SLC25A21: variants seen among roughly 807,000 people sequenced by gnomAD.
The protein encoded by SLC25A21 is solute carrier family 25 member 21.
Under a neutral mutation model 43.8 loss-of-function variants are expected in SLC25A21, and 47 were observed. The observed-to-expected ratio is 1.07, with a 90% CI of 0.85 to 1.37. SLC25A21 has a LOEUF of 1.37. SLC25A21 is among the 40% of genes most tolerant of loss of function. SLC25A21 has a pLI of 0.00. For synonymous variants in SLC25A21, 131 were observed against 121.3 expected (o/e 1.08, Z -0.52); for missense variants, 352 against 350.2 (o/e 1.00, Z -0.04).
At chr14:36,806,422 T>C (rs1392647715) in intron 3 of SLC25A21, among the ~76,000 whole-genome samples, 1 of 152,110 alleles carries the variant, frequency 6.6e-6, no homozygotes, top group Non-Finnish European at 1.5e-5. Flanking sequence ...AGGTGATGGA[T>C]CTGTTAATTA....
intron 1 of SLC25A21, among the ~76,000 whole-genome samples, chr14:36,941,992 C>G (rs1032954221): frequency 1.2e-4 from 19 of 152,010 alleles, no homozygotes; most frequent in African/African-American, 4.3e-4. Context: ...ATGTAAAAAG[C>G]TAAACCTAAA....
intron 1 of SLC25A21, among the ~76,000 whole-genome samples, chr14:37,064,414 GTCTCTCTC>G (rs369330133): frequency 6.7e-6 from 1 of 149,862 alleles, no homozygotes; most frequent in East Asian, 2.0e-4. Context: ...AAATTCTCTT[GTCTCTCTC>G]TCTCTCTCTC....
At chr14:36,854,416 G>A (rs1341055370) in intron 2 of SLC25A21, among the ~76,000 whole-genome samples, 2 of 152,196 alleles carry the variant, frequency 1.3e-5, no homozygotes, top group African/African-American at 2.4e-5. Context: ...CACAAGTAGT[G>A]TAATAGATGT....
chr14:36,726,442 A>T (rs74793851), intron 5 of SLC25A21, among the ~76,000 whole-genome samples: 42 of 104,136 alleles, frequency 4.0e-4, no homozygotes, highest in Non-Finnish European at 7.9e-4. Context: ...CAAATAAAAT[A>T]AAAAAAAAAA....
intron 3 of SLC25A21, among the ~76,000 whole-genome samples, chr14:36,799,844 GTTA>G (rs1485475544): frequency 6.6e-6 from 1 of 152,054 alleles, no homozygotes. Context: ...CACCTGGTAA[GTTA>G]TTGTTTTAGT....
chr14:36,713,106 C>T (rs1883962108), intron 6 of SLC25A21, among the ~76,000 whole-genome samples: 1 of 152,142 alleles, frequency 6.6e-6, no homozygotes, highest in Admixed American at 6.5e-5. Flanking sequence ...CAACCTAAAC[C>T]TTTTCTCCAT....
intron 7 of SLC25A21, among the ~76,000 whole-genome samples, chr14:36,692,840 G>C (rs903543038): frequency 2.6e-5 from 4 of 152,332 alleles, no homozygotes; most frequent in African/African-American, 9.6e-5. Context: ...CCCACCTCAT[G>C]TCAGCCCAAA....
In SLC25A21 at chr14:37,172,376, G is replaced by A. The variant is rs373720557; in HGVS notation, c.-26C>T. On this transcript the variant is annotated 5_prime_UTR_variant, in exon 1 of 10. Transcript: ENST00000331299. The stretch of plus-strand genomic sequence containing the variant: ...CTTCGCCAGGCGGGAGGACAAGGGA[G>A]TGGGCTGAGATGCGTCAACGAGCTC... 2.5e-6 allele frequency: 4 copies of A among 1,583,168 alleles called. No homozygotes were observed. Among genetic ancestry groups the A allele is most frequent in the South Asian group, 2.3e-5 (2 of 86,612 alleles).
chr14:36,881,157 T>C (rs931944253), intron 1 of SLC25A21, among the ~76,000 whole-genome samples: 2 of 152,228 alleles, frequency 1.3e-5, no homozygotes, highest in Admixed American at 6.5e-5. Flanking sequence ...TTATCCCAAA[T>C]TGTCTACCTT....
intron 1 of SLC25A21, among the ~76,000 whole-genome samples, chr14:37,167,471 T>C (rs1353467868): frequency 6.6e-6 from 1 of 152,160 alleles, no homozygotes; most frequent in Non-Finnish European, 1.5e-5. Flanking sequence ...TTCCTGGGTA[T>C]AGGCCAAACT....
intron 1 of SLC25A21, among the ~76,000 whole-genome samples, chr14:37,118,875 G>C (rs954821988): frequency 6.6e-6 from 1 of 152,060 alleles, no homozygotes; most frequent in Non-Finnish European, 1.5e-5. Flanking sequence ...GGTAAAATAA[G>C]TCTGACACCT....
At chr14:36,749,406 C>A (rs1218685609) in intron 3 of SLC25A21, among the ~76,000 whole-genome samples, 1 of 152,106 alleles carries the variant, frequency 6.6e-6, no homozygotes, top group African/African-American at 2.4e-5. Flanking sequence ...AAGCCCTGAT[C>A]ATATCTTACT....
chr14:37,146,814 G>A (rs1963674131), intron 1 of SLC25A21, among the ~76,000 whole-genome samples: 1 of 152,106 alleles, frequency 6.6e-6, no homozygotes, highest in African/African-American at 2.4e-5. Context: ...AGTGTGACAT[G>A]TCTCATGTTT....
chr14:36,865,772 A>T (rs1320771376), intron 2 of SLC25A21, among the ~76,000 whole-genome samples: 1 of 152,138 alleles, frequency 6.6e-6, no homozygotes, highest in Admixed American at 6.5e-5. Flanking sequence ...TCTGATTCAG[A>T]AGTCTGGGGT....
rs541276792 is a variant in SLC25A21, at chr14:36,692,583, G to A, written c.604-7658C>T. Reference sequence around the variant, plus strand: ...TGCTAGCTTGATAAACAGAAACATCGCTCATCTCAGAGGTCTTTGTGATTA... The same window carrying A: ...TGCTAGCTTGATAAACAGAAACATCACTCATCTCAGAGGTCTTTGTGATTA... On this transcript the variant is annotated intron_variant, in intron 7 of 9. Coordinates refer to ENST00000331299, the MANE Select transcript of SLC25A21 (RefSeq NM_030631.4). 5.2e-4 allele frequency among the ~76,000 whole-genome samples: 79 copies of A among 152,216 alleles called. 1 individual carries two copies. The highest frequency in any genetic ancestry group is 1.6e-3 in the African/African-American group (68 of 41,532).
intron 2 of SLC25A21, among the ~76,000 whole-genome samples, chr14:36,846,735 AGT>A (rs1889556824): frequency 6.6e-6 from 1 of 152,168 alleles, no homozygotes; most frequent in South Asian, 2.1e-4. Context: ...ATTCAACAAA[AGT>A]GTGTTGAATA....
chr14:37,069,389 G>A (rs6571778), intron 1 of SLC25A21, among the ~76,000 whole-genome samples: 73,423 of 152,024 alleles, frequency 0.48, 20,830 homozygotes, highest in African/African-American at 0.8. Flanking sequence ...ATGCCCTCAT[G>A]ATATTTATGT....
chr14:36,752,690 T>G (rs1217238959), intron 3 of SLC25A21, among the ~76,000 whole-genome samples: 3 of 152,208 alleles, frequency 2.0e-5, no homozygotes, highest in Non-Finnish European at 4.4e-5. Flanking sequence ...CATCTTGAAT[T>G]GTAGCTCCCA....
intron 1 of SLC25A21, among the ~76,000 whole-genome samples, chr14:36,879,293 CAT>C (rs754593713): frequency 1.6e-4 from 25 of 152,058 alleles, no homozygotes; most frequent in South Asian, 4.2e-4. Context: ...AAAAATGTTC[CAT>C]ATGTTATTTT....
Sources: gnomAD v4.1 joint callset for allele counts (sites outside exome capture counted in the v4.1 genomes callset) on GRCh38, gnomAD v4.1.1 for gene constraint, MANE v1.5 for transcripts, NCBI Gene and HGNC (gene_info 2026-07-23, HGNC 2026-07-21) for gene names.